Variants in PAPOLA observed in about 807,000 individuals in gnomAD.
The protein encoded by PAPOLA is polynucleotide adenylyltransferase alpha.
In PAPOLA, 15 loss-of-function variants were observed where a neutral mutation model predicts 100.6. The observed-to-expected ratio is 0.15, with a 90% CI of 0.10 to 0.23. PAPOLA has a LOEUF of 0.23. Ranked by LOEUF, PAPOLA falls within the 10% of genes least tolerant of loss-of-function variation. The probability of loss-of-function intolerance (pLI) is 1.00; values close to 1 mark genes in which losing one functional copy is unlikely to be tolerated. For synonymous variants in PAPOLA, 293 were observed against 300.0 expected, an observed-to-expected ratio of 0.98 and a Z score of 0.24; for missense variants, 533 against 884.2, an observed-to-expected ratio of 0.60 and a Z score of 5.04.
chr14:96,514,049 T>A (rs552916007), intron 1 of PAPOLA, among the ~76,000 whole-genome samples: 5 of 152,354 alleles, frequency 3.3e-5, no homozygotes, highest in Non-Finnish European at 5.9e-5. Flanking sequence ...GAGTATTTCA[T>A]AGTTGTCTTC....
chr14:96,544,006 G>A (rs1900193402), intron 14 of PAPOLA, 143 bp from the exon 15 acceptor site: 4 of 609,240 alleles, frequency 6.6e-6, no homozygotes, highest in East Asian at 5.5e-5. Context: ...AGGACTTTGC[G>A]TTTTCATGGA....
In PAPOLA at chr14:96,524,950, A is replaced by C. The variant is rs183440796; in HGVS notation, c.250-360A>C. ...CAGAATATGTTTTTATTATACTCTA[A>C]ATTGGTGATTCATTTTATATACAGC... is the stretch of plus-strand genomic sequence containing the variant. On this transcript the variant is annotated intron_variant, in intron 3 of 21. Coordinates refer to ENST00000216277, the MANE Select transcript of PAPOLA (RefSeq NM_032632.5). Among the ~76,000 whole-genome samples the C allele has an allele frequency of 3.9e-3, 589 of 152,266 alleles. 15 individuals carry two copies. Among genetic ancestry groups the C allele is most frequent in the East Asian group, 4.1e-3 (21 of 5,182 alleles).
At chr14:96,505,878 CTTCCTTCCTTGCTTGA>C (rs1896677307) in intron 1 of PAPOLA, among the ~76,000 whole-genome samples, 1 of 152,152 alleles carries the variant, frequency 6.6e-6, no homozygotes, top group South Asian at 2.1e-4. Context: ...CATTTCCTTC[CTTCCTTCCTTGCTTGA>C]TTCCTTCCTT....
chr14:96,512,863 A>G (rs909341834), intron 1 of PAPOLA, among the ~76,000 whole-genome samples: 2 of 152,208 alleles, frequency 1.3e-5, no homozygotes, highest in Non-Finnish European at 2.9e-5. Context: ...TCCAGAACCT[A>G]TGAGATCAAG....
chr14:96,505,657 G>C (rs1308963090), intron 1 of PAPOLA, among the ~76,000 whole-genome samples: 1 of 152,164 alleles, frequency 6.6e-6, no homozygotes, highest in African/African-American at 2.4e-5. Context: ...CCTGCTGGTG[G>C]ATGGTCTGTG....
chr14:96,506,453 G>A lies in PAPOLA; in HGVS notation c.8+3853G>A, dbSNP rs755240979. ...TATCTGAAAGAACAAGTGATGAACT[G>A]TGGATATTCATATTTGAGTATTTAG... is the stretch of plus-strand genomic sequence containing the variant. On this transcript the variant is annotated intron_variant, in intron 1 of 21. Transcript: ENST00000216277. Among the ~76,000 whole-genome samples, 95 of 152,310 alleles carry A rather than the reference G, an allele frequency of 6.2e-4. 1 individual carries two copies. The highest frequency in any genetic ancestry group is 2.2e-3 in the Admixed American group (33 of 15,296).
chr14:96,544,056 T>A, intron 14 of PAPOLA, 93 bp from the exon 15 acceptor site: 1 of 725,972 alleles, frequency 1.4e-6, no homozygotes, highest in Non-Finnish European at 2.4e-6. Flanking sequence ...TACATTTGTA[T>A]TGTAAGTTTT....
intron 1 of PAPOLA, among the ~76,000 whole-genome samples, chr14:96,508,194 C>T (rs1896863829): frequency 6.6e-6 from 1 of 152,054 alleles, no homozygotes; most frequent in African/African-American, 2.4e-5. Flanking sequence ...TGAACACTGT[C>T]TGGTGGTTTT....
At chr14:96,524,952 T>C (rs1898341350) in intron 3 of PAPOLA, among the ~76,000 whole-genome samples, 1 of 152,232 alleles carries the variant, frequency 6.6e-6, no homozygotes. Context: ...ATACTCTAAA[T>C]TGGTGATTCA....
intron 19 of PAPOLA, among the ~76,000 whole-genome samples, chr14:96,557,220 A>G (rs1901414488): frequency 6.6e-6 from 1 of 152,032 alleles, no homozygotes; most frequent in Non-Finnish European, 1.5e-5. Flanking sequence ...TAATTTAAAA[A>G]AAGATTTTTT....
At chr14:96,507,628 A>G (rs1595493022) in intron 1 of PAPOLA, among the ~76,000 whole-genome samples, 1 of 152,204 alleles carries the variant, frequency 6.6e-6, no homozygotes, top group Non-Finnish European at 1.5e-5. Context: ...TGTTATTTAA[A>G]TGAATAAATA....
At chr14:96,557,875 G>A (rs898821050) in intron 19 of PAPOLA, among the ~76,000 whole-genome samples, 5 of 151,680 alleles carry the variant, frequency 3.3e-5, no homozygotes, top group African/African-American at 1.2e-4. Flanking sequence ...GATTACTTAC[G>A]ATGCCTAATA....
intron 1 of PAPOLA, among the ~76,000 whole-genome samples, chr14:96,509,781 C>T (rs1045816433): frequency 2.6e-5 from 4 of 152,106 alleles, no homozygotes; most frequent in South Asian, 4.2e-4. Context: ...AGTAAAAATA[C>T]GGTATTATGC....
At chr14:96,554,385 C>T (rs372921729) in intron 17 of PAPOLA, among the ~76,000 whole-genome samples, 1 of 152,158 alleles carries the variant, frequency 6.6e-6, no homozygotes, top group Admixed American at 6.5e-5. Context: ...CTGTTTATCC[C>T]CTCTTGATAT....
chr14:96,508,950 G>A (rs998285736), intron 1 of PAPOLA, among the ~76,000 whole-genome samples: 2 of 152,200 alleles, frequency 1.3e-5, no homozygotes, highest in African/African-American at 4.8e-5. Context: ...AATCAGCTCT[G>A]GATTCTGTGT....
chr14:96,553,570 T>C (rs1209558106), intron 17 of PAPOLA: 1 of 151,714 alleles, frequency 6.6e-6, no homozygotes, highest in African/African-American at 2.4e-5. Context: ...TGGAGTACAA[T>C]GGCGCGATCT....
intron 9 of PAPOLA, chr14:96,534,099 CTT>C (rs565105417): frequency 3.6e-4 from 365 of 1,002,840 alleles, no homozygotes; most frequent in African/African-American, 2.1e-3. Context: ...TCAGAAGTAA[CTT>C]TTAAAATTAT....
intron 2 of PAPOLA, among the ~76,000 whole-genome samples, 196 bp from the exon 3 acceptor site, chr14:96,520,810 A>G (rs1035741774): frequency 2.0e-5 from 3 of 152,036 alleles, no homozygotes; most frequent in Non-Finnish European, 4.4e-5. Flanking sequence ...TCAGTGTAAC[A>G]GTGCCTGTAT....
At position 96,566,055 on chromosome 14, in the gene PAPOLA, A is replaced by G. The variant is rs552190713; in HGVS notation, c.*1005A>G. 2.5e-6 allele frequency: 1 copy of G among 396,262 alleles called. No individual in the cohort carries two copies. Among genetic ancestry groups the G allele is most frequent in the East Asian group, 3.6e-5 (1 of 28,036 alleles). 24.5% of individuals were successfully genotyped at this position (396,262 alleles called of 1,614,324 possible). On this transcript the variant is annotated 3_prime_UTR_variant, in exon 22 of 22. Transcript: ENST00000216277. ...CTAAAAGTAATGCCTGTGAAACATGATATCTATCTGGGATGGCCATTTGAT... is the reference window on the plus strand; with the variant it reads ...CTAAAAGTAATGCCTGTGAAACATGGTATCTATCTGGGATGGCCATTTGAT...
Sources: allele counts gnomAD v4.1 joint callset (sites outside exome capture counted in the v4.1 genomes callset), GRCh38; gene constraint gnomAD v4.1.1; transcripts MANE v1.5; gene names NCBI Gene and HGNC (gene_info 2026-07-23, HGNC 2026-07-21).